TGFBR3: variants seen among roughly 807,000 people sequenced by gnomAD.
The protein encoded by TGFBR3 is transforming growth factor beta receptor 3.
A neutral mutation model predicts 87.9 loss-of-function variants in TGFBR3; 46 were observed. That is an observed-to-expected ratio of 0.52 (90% CI 0.41 to 0.67). TGFBR3 has a LOEUF of 0.67. Among genes scored for constraint, TGFBR3 ranks in the 30% least tolerant of loss-of-function variants. The pLI is 0.00. For missense variants in TGFBR3, 866 were observed against 1,041.9 expected (o/e 0.83, Z 2.32); for synonymous variants, 381 against 391.6 (o/e 0.97, Z 0.32).
At chr1:91,737,969 T>C (rs1673021432) in intron 4 of TGFBR3, among the ~76,000 whole-genome samples, 1 of 152,230 alleles carries the variant, frequency 6.6e-6, no homozygotes, top group East Asian at 1.9e-4. Context: ...TAAATGTTAG[T>C]ACATTGAGTA....
At chr1:91,703,096 T>C (rs542555892) in intron 14 of TGFBR3, among the ~76,000 whole-genome samples, 1 of 152,120 alleles carries the variant, frequency 6.6e-6, no homozygotes, top group South Asian at 2.1e-4. Flanking sequence ...AAAAAAAATA[T>C]GATATCCCTC....
At chr1:91,694,185 G>A (rs1388587704) in intron 16 of TGFBR3, among the ~76,000 whole-genome samples, 1 of 152,116 alleles carries the variant, frequency 6.6e-6, no homozygotes, top group Non-Finnish European at 1.5e-5. Flanking sequence ...TAGAGACATG[G>A]TTTCACTATG....
chr1:91,835,252 CT>C (rs746824256), intron 2 of TGFBR3, among the ~76,000 whole-genome samples: 5 of 152,200 alleles, frequency 3.3e-5, no homozygotes, highest in Non-Finnish European at 7.3e-5. Flanking sequence ...CATCCGGCCA[CT>C]TTTATACAAC....
chr1:91,711,234 T>G (rs988121505), intron 13 of TGFBR3, among the ~76,000 whole-genome samples: 1 of 152,244 alleles, frequency 6.6e-6, no homozygotes, highest in Non-Finnish European at 1.5e-5. Flanking sequence ...ACTGTATATG[T>G]GCTCCCCAAT....
chr1:91,864,597 T>C (rs1678316889), intron 1 of TGFBR3, among the ~76,000 whole-genome samples: 1 of 152,096 alleles, frequency 6.6e-6, no homozygotes, highest in Non-Finnish European at 1.5e-5. Context: ...ATCTCCCCAG[T>C]GTGGTGAAAG....
At chr1:91,865,829 G>A (rs954426140) in intron 1 of TGFBR3, among the ~76,000 whole-genome samples, 1 of 151,522 alleles carries the variant, frequency 6.6e-6, no homozygotes, top group Non-Finnish European at 1.5e-5. Context: ...GAAGAATGGC[G>A]TGAACCCAGG....
intron 1 of TGFBR3, among the ~76,000 whole-genome samples, chr1:91,883,651 T>C (rs112264535): frequency 0.016 from 2,508 of 152,216 alleles, 72 homozygotes; most frequent in African/African-American, 0.057. Flanking sequence ...GATTCAAAAC[T>C]ATGTTGGTGA....
intron 2 of TGFBR3, among the ~76,000 whole-genome samples, chr1:91,828,773 G>A (rs375253106): frequency 2.0e-5 from 3 of 152,096 alleles, no homozygotes; most frequent in African/African-American, 7.2e-5. Flanking sequence ...TCTAGTTTAA[G>A]CCTGTATTAC....
chr1:91,887,744 G>C (rs967357342), upstream of TGFBR3, among the ~76,000 whole-genome samples: 1 of 152,146 alleles, frequency 6.6e-6, no homozygotes, highest in Non-Finnish European at 1.5e-5. Flanking sequence ...AATGTCATCA[G>C]TCACCTGAAT....
At chr1:91,703,899 A>G (rs958172259) in intron 14 of TGFBR3, among the ~76,000 whole-genome samples, 1 of 152,248 alleles carries the variant, frequency 6.6e-6, no homozygotes, top group Admixed American at 6.5e-5. Flanking sequence ...TCTGCTAAAC[A>G]GGTTACACAT....
chr1:91,881,830 G>A lies in TGFBR3; in HGVS notation c.-114+4048C>T, dbSNP rs186061975. Reference sequence around the variant, plus strand: ...CGAGGCGGGTGGATCATGAGGTCAGGAGATCAAGACCATCGGGGCTAACAC... The same window carrying A: ...CGAGGCGGGTGGATCATGAGGTCAGAAGATCAAGACCATCGGGGCTAACAC... On this transcript the variant is annotated intron_variant, in intron 1 of 16. Coordinates refer to ENST00000212355, the MANE Select transcript of TGFBR3 (RefSeq NM_003243.5). 3.7e-3 allele frequency among the ~76,000 whole-genome samples: 565 copies of A among 152,128 alleles called. 3 individuals carry two copies. Among genetic ancestry groups the A allele is most frequent in the Non-Finnish European group, 6.0e-3 (408 of 68,012 alleles).
At chr1:91,886,358 T>C (rs2101317813), upstream of TGFBR3, 1 of 358,372 alleles carries the variant, frequency 2.8e-6, no homozygotes, top group African/African-American at 2.2e-5. Context: ...GGCTGATGGA[T>C]GAGCCCCGAA....
At chr1:91,701,389 G>A (rs1328828975) in intron 14 of TGFBR3, among the ~76,000 whole-genome samples, 2 of 152,006 alleles carry the variant, frequency 1.3e-5, no homozygotes, top group Admixed American at 6.6e-5. Flanking sequence ...CCCTACCATC[G>A]AGTTGGCATG....
intron 12 of TGFBR3, 115 bp downstream of exon 12, chr1:91,716,120 GT>G: frequency 7.9e-7 from 1 of 1,272,106 alleles, no homozygotes; most frequent in Non-Finnish European, 1.1e-6. Context: ...CATCAGACCT[GT>G]TGAAGGTCTG....
intron 1 of TGFBR3, among the ~76,000 whole-genome samples, chr1:91,882,081 T>C (rs1470410134): frequency 6.8e-6 from 1 of 146,310 alleles, no homozygotes; most frequent in African/African-American, 2.5e-5. Flanking sequence ...TACTACATAA[T>C]ACGCAAGAAA....
chr1:91,830,050 T>C (rs1297220945), intron 2 of TGFBR3: 2 of 152,156 alleles, frequency 1.3e-5, no homozygotes, highest in Non-Finnish European at 2.9e-5. Flanking sequence ...CAGACCCAAA[T>C]GATCGTTACA....
chr1:91,816,261 A>T (rs898908601), intron 2 of TGFBR3, among the ~76,000 whole-genome samples: 1 of 152,184 alleles, frequency 6.6e-6, no homozygotes, highest in African/African-American at 2.4e-5. Context: ...TCAAAGTTCA[A>T]CTCAAGGCTG....
chr1:91,774,797 T>G (rs1009271434), intron 3 of TGFBR3, among the ~76,000 whole-genome samples: 1 of 152,194 alleles, frequency 6.6e-6, no homozygotes, highest in African/African-American at 2.4e-5. Context: ...CCTGACATTT[T>G]TTTTTCCAAG....
At chr1:91,714,879 GAA>G (rs1672106473) in intron 12 of TGFBR3, among the ~76,000 whole-genome samples, 1 of 152,228 alleles carries the variant, frequency 6.6e-6, no homozygotes. Context: ...CAAAGAAAGA[GAA>G]CTCTCAGAAT....
Sources: gnomAD v4.1 joint callset for allele counts (sites outside exome capture counted in the v4.1 genomes callset) on GRCh38, gnomAD v4.1.1 for gene constraint, MANE v1.5 for transcripts, NCBI Gene and HGNC (gene_info 2026-07-23, HGNC 2026-07-21) for gene names.